The following GPC6 variants were observed in gnomAD, a reference collection of about 807,000 sequenced individuals.
The protein encoded by GPC6 is glypican 6, also known as glypican-6.
A neutral mutation model predicts 55.2 loss-of-function variants in GPC6; 14 were observed. The ratio of observed to expected loss-of-function variants is 0.25; its 90% CI spans 0.17 to 0.40. The LOEUF is 0.40. Among genes scored for constraint, GPC6 ranks in the 10% least tolerant of loss-of-function variants. The probability of loss-of-function intolerance (pLI) is 1.00; values close to 1 mark genes in which losing one functional copy is unlikely to be tolerated. For synonymous variants in GPC6, 278 were observed against 259.6 expected, an observed-to-expected ratio of 1.07 and a Z score of -0.68; for missense variants, 641 against 708.5, an observed-to-expected ratio of 0.90 and a Z score of 1.08.
At chr13:93,339,472 C>G (rs921718442) in intron 1 of GPC6, among the ~76,000 whole-genome samples, 1 of 151,876 alleles carries the variant, frequency 6.6e-6, no homozygotes, top group Non-Finnish European at 1.5e-5. Context: ...CAGGTCAGCA[C>G]TGACTTTATT....
At chr13:94,016,543 G>A (rs1056387662) in intron 3 of GPC6, among the ~76,000 whole-genome samples, 4 of 152,240 alleles carry the variant, frequency 2.6e-5, no homozygotes, top group Middle Eastern at 3.4e-3. Flanking sequence ...GTCCTCCAAC[G>A]TAGCTTCTCT....
intron 2 of GPC6, among the ~76,000 whole-genome samples, chr13:93,671,630 TG>T (rs1261672748): frequency 6.6e-6 from 1 of 151,944 alleles, no homozygotes; most frequent in Admixed American, 6.6e-5. Context: ...TTGGGTTCTC[TG>T]GTTTTTTTAG....
intron 3 of GPC6, among the ~76,000 whole-genome samples, chr13:93,859,433 A>G (rs765148631): frequency 2.0e-5 from 3 of 151,676 alleles, no homozygotes; most frequent in Non-Finnish European, 4.4e-5. Context: ...ATCTGTAAAT[A>G]TTCATTTGAC....
chr13:93,919,069 C>G (rs1373283612), intron 3 of GPC6, among the ~76,000 whole-genome samples: 1 of 152,060 alleles, frequency 6.6e-6, no homozygotes, highest in East Asian at 1.9e-4. Context: ...AGTTCTTGGT[C>G]AGTTAGTTCA....
intron 2 of GPC6, among the ~76,000 whole-genome samples, chr13:93,745,846 C>G (rs1234734252): frequency 1.3e-5 from 2 of 152,118 alleles, no homozygotes; most frequent in African/African-American, 4.8e-5. Context: ...AGACGAAACT[C>G]AAAATAATTG....
At chr13:94,085,627 C>T (rs951973262) in intron 4 of GPC6, among the ~76,000 whole-genome samples, 11 of 151,994 alleles carry the variant, frequency 7.2e-5, no homozygotes, top group African/African-American at 1.4e-4. Context: ...CTTACAAATA[C>T]GATTATATTT....
chr13:94,027,434 C>G (rs1206951936), intron 3 of GPC6, among the ~76,000 whole-genome samples: 3 of 152,112 alleles, frequency 2.0e-5, no homozygotes, highest in African/African-American at 7.2e-5. Context: ...GGGCTTTTAA[C>G]TTTGCAAACT....
intron 2 of GPC6, among the ~76,000 whole-genome samples, chr13:93,797,155 T>C (rs11841408): frequency 0.028 from 2,914 of 103,856 alleles, 96 homozygotes; most frequent in African/African-American, 0.1. Flanking sequence ...TGTCATTTAA[T>C]AGAGAGGTAG....
At chr13:93,658,610 A>G in intron 2 of GPC6, among the ~76,000 whole-genome samples, 1 of 151,726 alleles carries the variant, frequency 6.6e-6, no homozygotes, top group East Asian at 1.9e-4. Context: ...TTAATGTAAT[A>G]GTTTACATTG....
chr13:93,368,350 T>G (rs1414231542), intron 1 of GPC6, among the ~76,000 whole-genome samples: 1 of 70,158 alleles, frequency 1.4e-5, no homozygotes, highest in African/African-American at 4.0e-5. Context: ...CCTTCCTTCC[T>G]TCCTTCCTTC....
At chr13:94,029,047 C>A (rs1450147021) in intron 4 of GPC6, among the ~76,000 whole-genome samples, 1 of 152,184 alleles carries the variant, frequency 6.6e-6, no homozygotes, top group South Asian at 2.1e-4. Context: ...TTTATGCAAA[C>A]CTCTAAACGA....
At chr13:93,988,763 T>C (rs552473859) in intron 3 of GPC6, among the ~76,000 whole-genome samples, 1 of 152,278 alleles carries the variant, frequency 6.6e-6, no homozygotes, top group Non-Finnish European at 1.5e-5. Flanking sequence ...GGTTTTAACA[T>C]GGGGATTACG....
chr13:93,883,534 T>C (rs140713425), intron 3 of GPC6, among the ~76,000 whole-genome samples: 7 of 152,078 alleles, frequency 4.6e-5, no homozygotes, highest in African/African-American at 1.7e-4. Context: ...TAGTTTTAAT[T>C]TGCATTTCTC....
chr13:93,846,314 T>G (rs1417065871), intron 3 of GPC6, among the ~76,000 whole-genome samples: 1 of 152,198 alleles, frequency 6.6e-6, no homozygotes, highest in Non-Finnish European at 1.5e-5. Context: ...GCCCTTACAT[T>G]AAACCTATGA....
At chr13:93,992,195 ATGTGGG>A (rs1228573029) in intron 3 of GPC6, among the ~76,000 whole-genome samples, 3 of 151,020 alleles carry the variant, frequency 2.0e-5, no homozygotes. Flanking sequence ...ATATATATAT[ATGTGGG>A]TGTGGGTGTG....
chr13:94,044,989 A>G (rs1458838078), intron 4 of GPC6, among the ~76,000 whole-genome samples: 4 of 151,922 alleles, frequency 2.6e-5, no homozygotes, highest in Non-Finnish European at 5.9e-5. Flanking sequence ...TGGGCTAAAT[A>G]TAAGAGTGAG....
chr13:93,694,316 G>A (rs1373094954), intron 2 of GPC6, among the ~76,000 whole-genome samples: 1 of 152,154 alleles, frequency 6.6e-6, no homozygotes, highest in African/African-American at 2.4e-5. Flanking sequence ...TTTGCTTGAT[G>A]AGATGTTTAT....
At chr13:93,904,033 G>T (rs1050439849) in intron 3 of GPC6, among the ~76,000 whole-genome samples, 6 of 151,992 alleles carry the variant, frequency 3.9e-5, no homozygotes, top group African/African-American at 1.5e-4. Flanking sequence ...AGTTTTTCAG[G>T]GTTGTCCAAG....
intron 2 of GPC6, among the ~76,000 whole-genome samples, chr13:93,564,774 G>T (rs567408926): frequency 1.3e-5 from 2 of 152,178 alleles, no homozygotes; most frequent in South Asian, 2.1e-4. Context: ...CCAGGAAAAG[G>T]TCAGTTCAAT....
Sources: gnomAD v4.1 joint callset for allele counts (sites outside exome capture counted in the v4.1 genomes callset) on GRCh38, gnomAD v4.1.1 for gene constraint, MANE v1.5 for transcripts, NCBI Gene and HGNC (gene_info 2026-07-23, HGNC 2026-07-21) for gene names.